The following SNX25 variants were observed in gnomAD, a reference collection of about 807,000 sequenced individuals.
SNX25 encodes the protein sorting nexin 25.
A neutral mutation model predicts 113.7 loss-of-function variants in SNX25; 62 were observed. The observed-to-expected ratio is 0.55, with a 90% CI of 0.44 to 0.67. The LOEUF (loss-of-function observed/expected upper bound fraction) is 0.67. Among genes scored for constraint, SNX25 ranks in the 30% least tolerant of loss-of-function variants. The pLI, the probability that SNX25 is intolerant of heterozygous loss-of-function variation, is 0.00. For synonymous variants in SNX25, 421 were observed against 436.2 expected (o/e 0.97, Z 0.43); for missense variants, 1,014 against 1,161.0 (o/e 0.87, Z 1.84).
At chr4:185,302,100 G>GT (rs35963129) in intron 6 of SNX25, among the ~76,000 whole-genome samples, 61,509 of 129,786 alleles carry the variant, frequency 0.47, 14,678 homozygotes, top group East Asian at 0.74. Flanking sequence ...TGTTTTTTTT[G>GT]TTTTTTTTTT....
At chr4:185,301,898 G>GT (rs1178785789) in intron 6 of SNX25, among the ~76,000 whole-genome samples, 3 of 145,996 alleles carry the variant, frequency 2.1e-5, no homozygotes, top group Non-Finnish European at 3.0e-5. Flanking sequence ...TTAGTCACAC[G>GT]TTTTTTCTTC....
chr4:185,372,776 G>T, downstream of SNX25: 1 of 1,253,832 alleles, frequency 8.0e-7, no homozygotes, highest in South Asian at 1.5e-5. Flanking sequence ...GGAACTGTGA[G>T]AAATAAATTT....
Position 185,258,989 on chromosome 4 carries a change from T to C in SNX25, c.656T>C (p.Val219Ala). 3 of 1,614,086 alleles carry C rather than the reference T, an allele frequency of 1.9e-6. No homozygotes were observed. In the South Asian group the frequency reaches 3.3e-5, roughly 18 times the overall value. ...CACCACAGACTGAGTCACGTGGATG[T>C]GGTTAAAGTTGTCTGCAATGATGTT... is the stretch of plus-strand genomic sequence containing the variant. ...QLHHRLSHVDVVKVVCNDVVR... is the reference protein window; with the variant it reads ...QLHHRLSHVDAVKVVCNDVVR... The change falls in exon 3 of 19, where the codon GTG becomes GCG. Residue 219 changes from valine to alanine, a missense_variant. Physicochemically the swap from Val to Ala is moderately conservative, Grantham distance 64. Transcript: ENST00000652585.
At chr4:185,363,967 TCA>T (rs2095377607), downstream of SNX25, 1 of 153,646 alleles carries the variant, frequency 6.5e-6, no homozygotes, top group African/African-American at 2.4e-5. This position sits in a 1 kb window ranked among gnomAD's most constrained non-coding sequence, Gnocchi z 4.2. Flanking sequence ...TAAAAATGAA[TCA>T]CAGTGCTCTA....
At chr4:185,375,376 A>G in the SNX25 span, among the ~76,000 whole-genome samples, 1 of 142,090 alleles carries the variant, frequency 7.0e-6, no homozygotes, top group African/African-American at 2.6e-5. Context: ...GAATCACTCG[A>G]ACCCGGGAAG....
chr4:185,311,337 G>C (rs1273111520), intron 7 of SNX25, among the ~76,000 whole-genome samples: 1 of 152,178 alleles, frequency 6.6e-6, no homozygotes, highest in Non-Finnish European at 1.5e-5. Context: ...TTGCAAATGT[G>C]AGTGCTTTCT....
intron 10 of SNX25, among the ~76,000 whole-genome samples, chr4:185,335,135 T>C (rs2095220511): frequency 6.6e-6 from 1 of 151,996 alleles, no homozygotes; most frequent in Non-Finnish European, 1.5e-5. Context: ...GCCTGGCCAA[T>C]GTGGTAAAAC....
intron 8 of SNX25, among the ~76,000 whole-genome samples, chr4:185,322,875 T>G (rs571783233): frequency 6.6e-6 from 1 of 152,356 alleles, no homozygotes; most frequent in African/African-American, 2.4e-5. Flanking sequence ...GTTCATTAAG[T>G]TGTATGCCTT....
chr4:185,356,343 A>G (rs966384282), intron 15 of SNX25, among the ~76,000 whole-genome samples: 11 of 152,110 alleles, frequency 7.2e-5, no homozygotes, highest in African/African-American at 2.2e-4. Context: ...CACTCTTCCT[A>G]GAGTTGCACT....
Position 185,267,120 on chromosome 4 carries a change from C to T in SNX25, c.1056C>T (p.Asn352=), listed in dbSNP as rs151109091. Residue 352 remains asparagine (N), a synonymous_variant, in exon 5 of 19, where the codon AAC becomes AAT. Transcript: ENST00000652585. ...ACGAGGACTTCATCAAGCTCATTAACAGCAACTCTGATGTGGAGTTCTTGA... is the reference window on the plus strand; with the variant it reads ...ACGAGGACTTCATCAAGCTCATTAATAGCAACTCTGATGTGGAGTTCTTGA... The part of the protein sequence containing the change: ...PSYEDFIKLI[N]SNSDVEFLKQ... The T allele has an allele frequency of 1.2e-6, 2 of 1,613,652 alleles. No individual in the cohort carries two copies. Among genetic ancestry groups the T allele is most frequent in the Non-Finnish European group, 1.7e-6 (2 of 1,179,876 alleles).
chr4:185,357,745 G>GT lies in SNX25; in HGVS notation c.2651+9dup, dbSNP rs2095345319. 1 of 1,611,604 alleles carries GT rather than the reference G, an allele frequency of 6.2e-7. No homozygotes were observed. The highest frequency in any genetic ancestry group is 1.3e-5 in the African/African-American group (1 of 74,960). On this transcript the variant is annotated intron_variant, in intron 16 of 18. Transcript: ENST00000652585. ...TGGAAGAACCATCAACAAGTGAGTTGTATGAAATTAATATTTGGATCCATG... is the reference window on the plus strand; with the variant it reads ...TGGAAGAACCATCAACAAGTGAGTTGTTATGAAATTAATATTTGGATCCATG...
At chr4:185,262,110 G>A (rs533351081) in intron 3 of SNX25, among the ~76,000 whole-genome samples, 1 of 152,304 alleles carries the variant, frequency 6.6e-6, no homozygotes, top group Non-Finnish European at 1.5e-5. Context: ...GGTAGCCTGG[G>A]TAGCACCCAG....
intron 6 of SNX25, among the ~76,000 whole-genome samples, chr4:185,290,640 A>G (rs1251437148): frequency 3.3e-5 from 5 of 150,124 alleles, no homozygotes; most frequent in Non-Finnish European, 7.4e-5. Context: ...ATGTGTGTAC[A>G]TGTTTATATA....
intron 14 of SNX25, among the ~76,000 whole-genome samples, chr4:185,352,794 T>C (rs1579904756): frequency 6.6e-6 from 1 of 152,176 alleles, no homozygotes; most frequent in East Asian, 1.9e-4. Flanking sequence ...CTTCAGCTCC[T>C]ACCTCTACAC....
At chr4:185,378,083 G>A in the SNX25 span, 2 of 1,611,130 alleles carry the variant, frequency 1.2e-6, no homozygotes, top group Non-Finnish European at 1.7e-6. Context: ...ATTTGTACCA[G>A]TCTTTTCCTT....
At chr4:185,339,081 C>T (rs895436468) in intron 10 of SNX25, among the ~76,000 whole-genome samples, 3 of 152,082 alleles carry the variant, frequency 2.0e-5, no homozygotes, top group Non-Finnish European at 2.9e-5. Flanking sequence ...AATATTAATT[C>T]TTCCAATCCA....
intron 5 of SNX25, among the ~76,000 whole-genome samples, chr4:185,270,733 T>C (rs1748805131): frequency 6.6e-6 from 1 of 152,230 alleles, no homozygotes; most frequent in South Asian, 2.1e-4. Flanking sequence ...TTTCTGTCTC[T>C]ATGGATTTGC....
At chr4:185,368,071 G>A (rs565415866), downstream of SNX25, among the ~76,000 whole-genome samples, 6 of 152,238 alleles carry the variant, frequency 3.9e-5, no homozygotes, top group Non-Finnish European at 5.9e-5. Flanking sequence ...CCAGCTACTC[G>A]GGAGGCTGAG....
At chr4:185,289,611 C>T (rs1751867137) in intron 6 of SNX25, among the ~76,000 whole-genome samples, 1 of 152,184 alleles carries the variant, frequency 6.6e-6, no homozygotes, top group South Asian at 2.1e-4. Context: ...ATGAGGACGT[C>T]TTTAAATGGG....
Sources: allele counts gnomAD v4.1 joint callset (sites outside exome capture counted in the v4.1 genomes callset), GRCh38; gene constraint gnomAD v4.1.1; non-coding constraint Gnocchi (gnomAD v3.1); transcripts MANE v1.5; gene names NCBI Gene and HGNC (gene_info 2026-07-23, HGNC 2026-07-21).